ST3GAL5: variants seen among roughly 807,000 people sequenced by gnomAD.
ST3GAL5 encodes the protein lactosylceramide alpha-2,3-sialyltransferase.
A neutral mutation model predicts 46.1 loss-of-function variants in ST3GAL5; 25 were observed. That is an observed-to-expected ratio of 0.54 (90% CI 0.40 to 0.76). The LOEUF is 0.76. ST3GAL5 is among the 30% of genes least tolerant of loss of function. The pLI, the probability that ST3GAL5 is intolerant of heterozygous loss-of-function variation, is 0.00. For synonymous variants in ST3GAL5, 182 were observed against 192.7 expected (o/e 0.94, Z 0.46); for missense variants, 431 against 521.2 (o/e 0.83, Z 1.69).
chr2:85,864,258 TTA>T (rs1296989522), intron 1 of ST3GAL5, among the ~76,000 whole-genome samples: 2 of 152,198 alleles, frequency 1.3e-5, no homozygotes, highest in Non-Finnish European at 2.9e-5. Flanking sequence ...TCTCTCCAGA[TTA>T]TGTTTTACAA....
chr2:85,888,683 G>A (rs989915223), intron 1 of ST3GAL5, 141 bp downstream of exon 1: 1 of 582,500 alleles, frequency 1.7e-6, no homozygotes, highest in African/African-American at 2.0e-5. Flanking sequence ...GGGCTCGCCT[G>A]AGGGTGTCGT....
chr2:85,875,120 C>T lies in ST3GAL5; in HGVS notation c.83-11635G>A, dbSNP rs574875050. Among the ~76,000 whole-genome samples the T allele has an allele frequency of 1.2e-3, 177 of 152,192 alleles. 2 individuals carry two copies. The highest frequency in any genetic ancestry group is 1.7e-3 in the Non-Finnish European group (116 of 68,016). The stretch of plus-strand genomic sequence containing the variant: ...TGTCAGCCAGGCTGGAGTGCAGTGG[C>T]GTGATCACAGCTCAGTGTAACCTCG... On this transcript the variant is annotated intron_variant, in intron 1 of 6. Coordinates refer to ENST00000638572, the MANE Select transcript of ST3GAL5 (RefSeq NM_003896.4).
Position 85,863,463 on chromosome 2 carries a change from A to G in ST3GAL5, c.105T>C (p.Tyr35=), listed in dbSNP as rs1451003760. 6.2e-7 allele frequency: 1 copy of G among 1,614,200 alleles called. No homozygotes were observed. Among genetic ancestry groups the G allele is most frequent in the South Asian group, 1.1e-5 (1 of 91,088 alleles). The change falls in exon 2 of 7, where the codon TAT becomes TAC. Residue 35 remains tyrosine, a synonymous_variant. Transcript: ENST00000638572. ...TCGAGCAATCACTTCTCAGTTTCAC[A>G]TAGGTGTACTCACTTGGCATTGCTG... ...AGRAMPSEYT[Y]VKLRSDCSRP... is the part of the protein sequence containing the mutation.
upstream of ST3GAL5, chr2:85,888,992 G>C (rs1688096027): frequency 9.4e-7 from 1 of 1,058,452 alleles, no homozygotes; most frequent in Non-Finnish European, 1.2e-6. Context: ...CATTCAGCTG[G>C]GGGCCGCCGC....
chr2:85,853,829 T>C (rs1205140369), intron 3 of ST3GAL5: 1 of 152,224 alleles, frequency 6.6e-6, no homozygotes, highest in Non-Finnish European at 1.5e-5. Context: ...GTGCAAAGCA[T>C]TCTGAGGCCT....
chr2:85,845,999 C>A, intron 5 of ST3GAL5: 1 of 229,450 alleles, frequency 4.4e-6, no homozygotes, highest in Non-Finnish European at 8.7e-6. Flanking sequence ...AGTTTGAGAC[C>A]AGCCTGGCCA....
At chr2:85,880,588 C>G (rs1012815724) in intron 1 of ST3GAL5, among the ~76,000 whole-genome samples, 1 of 152,168 alleles carries the variant, frequency 6.6e-6, no homozygotes, top group African/African-American at 2.4e-5. Context: ...CTTTGGGAGG[C>G]TGAGGTGGGT....
chr2:85,863,619 C>T, intron 1 of ST3GAL5, 134 bp from the exon 2 acceptor site: 1 of 997,134 alleles, frequency 1.0e-6, no homozygotes, highest in Non-Finnish European at 1.5e-6. Flanking sequence ...GAAGAATGAA[C>T]TGTTGTTACA....
In ST3GAL5 at chr2:85,886,637, T is replaced by G. The variant is rs1400633864; in HGVS notation, c.82+2187A>C. Among the ~76,000 whole-genome samples, 6 of 152,318 alleles carry G rather than the reference T, an allele frequency of 3.9e-5. No individual in the cohort carries two copies. The East Asian group carries it at 9.6e-4, about 24-fold the overall frequency. ...GAAGCCTCAAAGCTGATTTTTCTCC[T>G]GCTCCCTTACGCATTTCACTTGCTT... On this transcript the variant is annotated intron_variant, in intron 1 of 6. Coordinates refer to ENST00000638572, the MANE Select transcript of ST3GAL5 (RefSeq NM_003896.4).
chr2:85,880,263 G>A (rs1322741668), intron 1 of ST3GAL5, among the ~76,000 whole-genome samples: 1 of 152,184 alleles, frequency 6.6e-6, no homozygotes, highest in Non-Finnish European at 1.5e-5. Flanking sequence ...AGGAGATTTT[G>A]TTTGGGCTGC....
chr2:85,855,109 A>G (rs982051534), intron 3 of ST3GAL5: 24 of 152,254 alleles, frequency 1.6e-4, no homozygotes, highest in African/African-American at 5.8e-4. Flanking sequence ...CTTTGTCCCC[A>G]CCCAAATCTC....
intron 3 of ST3GAL5, chr2:85,853,245 C>A: frequency 5.2e-6 from 2 of 381,426 alleles, no homozygotes; most frequent in South Asian, 4.2e-5. Flanking sequence ...TCCAGGCATC[C>A]CTTCAGAGCC....
At position 85,837,847 on chromosome 2, in the gene ST3GAL5, T is replaced by A. The variant is rs1681624098; in HGVS notation, c.*2297A>T. 6.6e-6 allele frequency: 1 copy of A among 152,026 alleles called. No individual in the cohort carries two copies. Among genetic ancestry groups the A allele is most frequent in the Non-Finnish European group, 1.5e-5 (1 of 68,008 alleles). 9.4% of individuals were successfully genotyped at this position (152,026 alleles called of 1,614,324 possible). On this transcript the variant is annotated 3_prime_UTR_variant, in exon 7 of 7. Coordinates refer to ENST00000638572, the MANE Select transcript of ST3GAL5 (RefSeq NM_003896.4). ...CAGTGATTTCATTTATGTCGGAGGGTGTGTGTGCGGGTCTAGAATGCAATA... is the reference window on the plus strand; with the variant it reads ...CAGTGATTTCATTTATGTCGGAGGGAGTGTGTGCGGGTCTAGAATGCAATA...
chr2:85,852,690 A>T (rs1318032102), intron 3 of ST3GAL5, among the ~76,000 whole-genome samples: 2 of 152,148 alleles, frequency 1.3e-5, no homozygotes, highest in Non-Finnish European at 2.9e-5. Flanking sequence ...AATACTCATC[A>T]AACAATGGGC....
chr2:85,870,833 T>C (rs1685841512), intron 1 of ST3GAL5, among the ~76,000 whole-genome samples: 1 of 148,618 alleles, frequency 6.7e-6, no homozygotes. Flanking sequence ...CCCGCCACCA[T>C]GCCCAGCTAA....
chr2:85,877,426 T>G (rs1018216272), intron 1 of ST3GAL5, among the ~76,000 whole-genome samples: 9 of 152,268 alleles, frequency 5.9e-5, no homozygotes, highest in African/African-American at 2.2e-4. Flanking sequence ...CCAATTATTT[T>G]GTAGAAAGTC....
At position 85,840,098 on chromosome 2, in the gene ST3GAL5, C is replaced by G; in HGVS notation, c.*46G>C. The G allele has an allele frequency of 2.5e-6, 4 of 1,613,976 alleles. No individual in the cohort carries two copies. Among genetic ancestry groups the G allele is most frequent in the Non-Finnish European group, 3.4e-6 (4 of 1,179,972 alleles). On this transcript the variant is annotated 3_prime_UTR_variant, in exon 7 of 7. Coordinates refer to ENST00000638572, the MANE Select transcript of ST3GAL5 (RefSeq NM_003896.4). ...AATACATCAAGAAGGCTGTCAAAAA[C>G]AGCTCTCAGAGTTAGAGTTGCATTT...
At chr2:85,886,167 G>T (rs898880208) in intron 1 of ST3GAL5, among the ~76,000 whole-genome samples, 1 of 152,226 alleles carries the variant, frequency 6.6e-6, no homozygotes, top group Admixed American at 6.5e-5. Context: ...AATTGCTCAC[G>T]CCTGTAATCT....
chr2:85,880,177 C>T (rs1353465744), intron 1 of ST3GAL5, among the ~76,000 whole-genome samples: 1 of 152,052 alleles, frequency 6.6e-6, no homozygotes, highest in South Asian at 2.1e-4. Context: ...GTGACTGGGA[C>T]AGTGACAACC....
Sources: gnomAD v4.1 joint callset for allele counts (sites outside exome capture counted in the v4.1 genomes callset) on GRCh38, gnomAD v4.1.1 for gene constraint, MANE v1.5 for transcripts, NCBI Gene and HGNC (gene_info 2026-07-23, HGNC 2026-07-21) for gene names.